Variants in DNAH11 observed in about 807,000 individuals in gnomAD.
DNAH11 encodes the protein dynein axonemal heavy chain 11.
In DNAH11, 442 loss-of-function variants were observed where a neutral mutation model predicts 526.0. That is an observed-to-expected ratio of 0.84 (90% confidence interval 0.78 to 0.91). DNAH11 has a LOEUF of 0.91. Ranked by LOEUF, DNAH11 falls within the 40% of genes least tolerant of loss-of-function variation. The pLI, the probability that DNAH11 is intolerant of heterozygous loss-of-function variation, is 0.00. For synonymous variants in DNAH11, 2,461 were observed against 1,935.9 expected, an observed-to-expected ratio of 1.27 and a Z score of -7.12; for missense variants, 6,989 against 5,448.7, an observed-to-expected ratio of 1.28 and a Z score of -8.90.
At chr7:21,755,541 T>TA (rs1162260805) in intron 54 of DNAH11, among the ~76,000 whole-genome samples, 1 of 152,160 alleles carries the variant, frequency 6.6e-6, no homozygotes, top group Non-Finnish European at 1.5e-5. Flanking sequence ...TCTGATAATT[T>TA]AAAAAATATG....
intron 28 of DNAH11, among the ~76,000 whole-genome samples, chr7:21,639,807 G>GTA (rs1265494196): frequency 6.6e-6 from 1 of 151,940 alleles, no homozygotes; most frequent in East Asian, 1.9e-4. Context: ...AGAGTTGAGT[G>GTA]TATATTACAG....
chr7:21,861,762 ATAAACCT>A, intron 68 of DNAH11, 84 bp from the exon 69 acceptor site: 2 of 1,516,960 alleles, frequency 1.3e-6, no homozygotes, highest in Non-Finnish European at 1.8e-6. Flanking sequence ...CTCCCTATAG[ATAAACCT>A]TAAACTGTTG....
intron 42 of DNAH11, among the ~76,000 whole-genome samples, chr7:21,713,736 A>G (rs752934394): frequency 9.9e-5 from 15 of 152,172 alleles, no homozygotes; most frequent in Non-Finnish European, 1.9e-4. Context: ...GTGTACTGAC[A>G]TGCTCGCTAA....
chr7:21,826,742 C>T (rs771213934), intron 65 of DNAH11, among the ~76,000 whole-genome samples: 5 of 152,148 alleles, frequency 3.3e-5, no homozygotes, highest in Non-Finnish European at 5.9e-5. Context: ...CACATTCACC[C>T]GGAATGTCTT....
Position 21,617,453 on chromosome 7 carries a change from G to A in DNAH11, c.4096-166G>A, listed in dbSNP as rs6461589. Among the ~76,000 whole-genome samples, 5,181 of 152,286 alleles carry A rather than the reference G, an allele frequency of 0.034. 295 individuals are homozygous for A. The highest frequency in any genetic ancestry group is 0.12 in the African/African-American group (4,854 of 41,546). ...GAGTGGGCTTGTAATGTACAAATGA[G>A]TGGATCCCTTTTCGTTTCTCTGGTT... On this transcript the variant is annotated intron_variant, in intron 22 of 81. Transcript: ENST00000409508.
chr7:21,586,855 A>G (rs1253625625), intron 9 of DNAH11, among the ~76,000 whole-genome samples: 1 of 152,246 alleles, frequency 6.6e-6, no homozygotes, highest in East Asian at 1.9e-4. Flanking sequence ...ACAAAATGAC[A>G]TAACTTTCAA....
Position 21,861,954 on chromosome 7 carries a change from C to T in DNAH11, c.11304C>T (p.Val3768=). Residue 3768 remains valine, a synonymous_variant, in exon 69 of 82, where the codon GTC becomes GTT. Coordinates refer to ENST00000409508, the MANE Select transcript of DNAH11 (RefSeq NM_001277115.2). The part of the protein sequence containing the change: ...SILMESITHA[V]FLYTSQALFE... Reference sequence around the variant, plus strand: ...TGATGGAGAGCATCACCCATGCTGTCTTCCTCTACACCAGCCAGGCGCTGT... The same window carrying T: ...TGATGGAGAGCATCACCCATGCTGTTTTCCTCTACACCAGCCAGGCGCTGT... 6.2e-7 allele frequency: 1 copy of T among 1,613,788 alleles called. No individual in the cohort carries two copies. Among genetic ancestry groups the T allele is most frequent in the African/African-American group, 1.3e-5 (1 of 75,034 alleles).
At chr7:21,685,508 T>G (rs957927369) in intron 32 of DNAH11, among the ~76,000 whole-genome samples, 3 of 152,218 alleles carry the variant, frequency 2.0e-5, no homozygotes, top group African/African-American at 7.2e-5. Flanking sequence ...AATTATTTAC[T>G]AATTGTTTAC....
intron 80 of DNAH11, among the ~76,000 whole-genome samples, chr7:21,899,669 G>C (rs1208854622): frequency 6.6e-6 from 1 of 152,192 alleles, no homozygotes; most frequent in African/African-American, 2.4e-5. Context: ...GTAGCCAAGT[G>C]AGGTGGGGCA....
chr7:21,852,848 A>G (rs902327429), intron 67 of DNAH11, among the ~76,000 whole-genome samples: 1 of 152,216 alleles, frequency 6.6e-6, no homozygotes, highest in African/African-American at 2.4e-5. Context: ...TGTCATTCAA[A>G]TTAGACACTG....
At chr7:21,747,803 C>T (rs1786214301) in intron 51 of DNAH11, among the ~76,000 whole-genome samples, 1 of 152,216 alleles carries the variant, frequency 6.6e-6, no homozygotes, top group African/African-American at 2.4e-5. Flanking sequence ...GTAAATCACA[C>T]AGAGAGATCT....
At chr7:21,578,157 G>C (rs188263574) in intron 8 of DNAH11, among the ~76,000 whole-genome samples, 4 of 152,244 alleles carry the variant, frequency 2.6e-5, no homozygotes, top group Admixed American at 2.6e-4. Context: ...AAAACTCACT[G>C]TCATGAGAAC....
chr7:21,638,224 T>TA (rs1786958675), intron 27 of DNAH11, among the ~76,000 whole-genome samples: 1 of 152,226 alleles, frequency 6.6e-6, no homozygotes, highest in South Asian at 2.1e-4. Context: ...GCAGATCTGC[T>TA]ACTAAAATGA....
At chr7:21,624,633 T>G (rs1260707411) in intron 25 of DNAH11, among the ~76,000 whole-genome samples, 6 of 152,174 alleles carry the variant, frequency 3.9e-5, no homozygotes, top group Non-Finnish European at 1.5e-5. Flanking sequence ...TTTTCCTGAT[T>G]TTAGACAAAA....
rs1009706176 is a variant in DNAH11 at position 21,892,627 on chromosome 7, C to A, written c.12710C>A (p.Ala4237Glu). The change falls in exon 77 of 82, where the codon GCA becomes GAA. Residue 4237 changes from alanine to glutamate, a missense_variant. Physicochemically the swap from Ala to Glu is moderately radical, Grantham distance 107. Coordinates refer to ENST00000409508, the MANE Select transcript of DNAH11 (RefSeq NM_001277115.2). ...TTGCTGGAGATGCAGCCCAGGAATG[C>A]ACTCAGTGGTGATGAACTGGGGCAG... ...RTLLEMQPRN[A>E]LSGDELGQST... 1.2e-6 allele frequency: 2 copies of A among 1,612,518 alleles called. No homozygotes were observed. The highest frequency in any genetic ancestry group is 3.3e-5 in the Admixed American group (2 of 59,758).
rs1783198613 is a variant in DNAH11, at chr7:21,864,580, C to T, written c.11419C>T (p.Leu3807=). The change falls in exon 70 of 82, where the codon CTG becomes TTG. Residue 3807 remains leucine (L), a synonymous_variant. Transcript: ENST00000409508. ...KEIDPLELDF[L]LRFTVEHTHL... is the part of the protein sequence containing the mutation. The stretch of plus-strand genomic sequence containing the variant: ...GATAGACCCTCTTGAATTGGATTTC[C>T]TGCTTCGATTCACAGTTGAACACAC... 4 of 1,611,736 alleles carry T rather than the reference C, an allele frequency of 2.5e-6. No individual in the cohort carries two copies. Among genetic ancestry groups the T allele is most frequent in the Non-Finnish European group, 3.4e-6 (4 of 1,178,780 alleles).
At chr7:21,692,699 T>G (rs1783684646) in intron 35 of DNAH11, among the ~76,000 whole-genome samples, 1 of 152,224 alleles carries the variant, frequency 6.6e-6, no homozygotes, top group African/African-American at 2.4e-5. Context: ...TGGCTGGAAT[T>G]GCTAGTCTAC....
chr7:21,644,465 A>G (rs1787260463), intron 28 of DNAH11, among the ~76,000 whole-genome samples: 1 of 152,212 alleles, frequency 6.6e-6, no homozygotes, highest in Admixed American at 6.6e-5. Context: ...GGCGTGTAAG[A>G]ATGAATGAGT....
At chr7:21,740,723 C>A (rs1785843224) in intron 48 of DNAH11, among the ~76,000 whole-genome samples, 1 of 152,174 alleles carries the variant, frequency 6.6e-6, no homozygotes, top group Admixed American at 6.5e-5. Context: ...GCTTTTAATT[C>A]TTTGGGGTGT....
Sources: allele counts gnomAD v4.1 joint callset (sites outside exome capture counted in the v4.1 genomes callset), GRCh38; gene constraint gnomAD v4.1.1; transcripts MANE v1.5; gene names NCBI Gene and HGNC (gene_info 2026-07-23, HGNC 2026-07-21).